NRG3: variants seen among roughly 807,000 people sequenced by gnomAD.
NRG3 encodes pro-neuregulin-3, membrane-bound isoform.
A neutral mutation model predicts 66.9 loss-of-function variants in NRG3; 31 were observed. That is an observed-to-expected ratio of 0.46 (90% CI 0.35 to 0.63). NRG3 has a LOEUF of 0.63. Among genes scored for constraint, NRG3 ranks in the 20% least tolerant of loss-of-function variants. The pLI, the probability that NRG3 is intolerant of heterozygous loss-of-function variation, is 0.00. For missense variants in NRG3, 910 were observed against 878.9 expected (o/e 1.04, Z -0.45); for synonymous variants, 393 against 359.4 (o/e 1.09, Z -1.06).
intron 1 of NRG3, among the ~76,000 whole-genome samples, chr10:82,237,594 G>A (rs1458241102): frequency 6.6e-6 from 1 of 151,400 alleles, no homozygotes; most frequent in Non-Finnish European, 1.5e-5. Flanking sequence ...ATATAGTAGT[G>A]CTTAATATAT....
intron 1 of NRG3, among the ~76,000 whole-genome samples, chr10:82,036,502 A>T (rs2062797629): frequency 1.3e-5 from 2 of 152,150 alleles, no homozygotes; most frequent in African/African-American, 4.8e-5. Flanking sequence ...ATTTAAGCTT[A>T]GCCCTTATGA....
chr10:82,728,080 T>C (rs1270610563), intron 2 of NRG3, among the ~76,000 whole-genome samples: 2 of 152,080 alleles, frequency 1.3e-5, no homozygotes, highest in Non-Finnish European at 2.9e-5. Context: ...AGTAACTAAT[T>C]TGGTTTTGAT....
At chr10:82,323,590 T>C (rs2135171756) in intron 1 of NRG3, among the ~76,000 whole-genome samples, 1 of 152,186 alleles carries the variant, frequency 6.6e-6, no homozygotes, top group Admixed American at 6.5e-5. Context: ...GTAGTGTCTT[T>C]GGTTTTGGTG....
Position 82,979,025 on chromosome 10 carries a change from G to C in NRG3, c.1488G>C (p.Pro496=), listed in dbSNP as rs139007511. ...LHRNAFRRTP[P]SPRSRLGGIV... ...GGAATGCCTTCAGAAGGACACCCCC[G>C]TCACCCCGAAGTAGGCTAGGTGGAA... The change falls in exon 8 of 9, where the codon CCG becomes CCC. Residue 496 remains proline (P), a synonymous_variant. Coordinates refer to ENST00000372141, the MANE Select transcript of NRG3 (RefSeq NM_001010848.4). 1 of 1,613,862 alleles carries C rather than the reference G, an allele frequency of 6.2e-7. No individual in the cohort carries two copies. Among genetic ancestry groups the C allele is most frequent in the Non-Finnish European group, 8.5e-7 (1 of 1,179,946 alleles).
chr10:82,392,112 T>A (rs1273281495), intron 2 of NRG3, among the ~76,000 whole-genome samples: 1 of 150,916 alleles, frequency 6.6e-6, no homozygotes, highest in Non-Finnish European at 1.5e-5. Flanking sequence ...AATGAAAATA[T>A]CCCATCTACT....
chr10:82,173,013 A>T (rs778059147), intron 1 of NRG3, among the ~76,000 whole-genome samples: 12 of 152,108 alleles, frequency 7.9e-5, no homozygotes, highest in Non-Finnish European at 1.2e-4. Context: ...GAAAATCCAT[A>T]AGCTAGGGTG....
At chr10:82,919,686 G>A (rs931304027) in intron 4 of NRG3, among the ~76,000 whole-genome samples, 2 of 152,110 alleles carry the variant, frequency 1.3e-5, no homozygotes, top group East Asian at 3.9e-4. Context: ...GCATTTCTTG[G>A]CTAACACAAA....
At chr10:82,560,709 G>A (rs1348035049) in intron 2 of NRG3, among the ~76,000 whole-genome samples, 1 of 151,116 alleles carries the variant, frequency 6.6e-6, no homozygotes, top group African/African-American at 2.4e-5. Flanking sequence ...TAATAGAAAT[G>A]GCTTTAGTAT....
chr10:82,166,647 CAT>C (rs1181133510), intron 1 of NRG3: 5 of 395,596 alleles, frequency 1.3e-5, no homozygotes, highest in Non-Finnish European at 2.2e-5. Flanking sequence ...TATATACACA[CAT>C]ATATATGTAT....
chr10:82,025,651 A>AT (rs2062266493), intron 1 of NRG3, among the ~76,000 whole-genome samples: 2 of 152,072 alleles, frequency 1.3e-5, no homozygotes, highest in African/African-American at 4.8e-5. Flanking sequence ...TAAAATTAAG[A>AT]TTTTAAGTTT....
At chr10:82,919,352 G>A (rs1404998924) in intron 4 of NRG3, among the ~76,000 whole-genome samples, 5 of 151,950 alleles carry the variant, frequency 3.3e-5, no homozygotes, top group Non-Finnish European at 5.9e-5. Flanking sequence ...CTTCTAGTCT[G>A]GCCTGCTAAC....
intron 1 of NRG3, among the ~76,000 whole-genome samples, chr10:81,893,972 C>T (rs1001233196): frequency 1.3e-5 from 2 of 152,156 alleles, no homozygotes; most frequent in South Asian, 2.1e-4. Context: ...CCCCAGGTAA[C>T]GTGTGAAGCT....
At chr10:82,883,078 C>T (rs973835051) in intron 4 of NRG3, among the ~76,000 whole-genome samples, 1 of 152,140 alleles carries the variant, frequency 6.6e-6, no homozygotes, top group Non-Finnish European at 1.5e-5. Flanking sequence ...GTTTATGATG[C>T]TCTCAATGTG....
At chr10:82,250,217 G>T (rs2077419206) in intron 1 of NRG3, among the ~76,000 whole-genome samples, 2 of 152,132 alleles carry the variant, frequency 1.3e-5, no homozygotes, top group South Asian at 4.1e-4. Context: ...CACAAAAATT[G>T]AGGATCAATA....
At chr10:82,457,515 A>T (rs565563766) in intron 2 of NRG3, among the ~76,000 whole-genome samples, 1 of 152,094 alleles carries the variant, frequency 6.6e-6, no homozygotes, top group Admixed American at 6.5e-5. Context: ...CAGGCCATGG[A>T]CCAGCAGCAG....
chr10:82,631,966 G>GT (rs1352318873), intron 2 of NRG3, among the ~76,000 whole-genome samples: 1 of 151,934 alleles, frequency 6.6e-6, no homozygotes, highest in Non-Finnish European at 1.5e-5. Flanking sequence ...GCTGAGTGTG[G>GT]TGCCAGGTGC....
chr10:82,211,920 A>C (rs139628548), intron 1 of NRG3, among the ~76,000 whole-genome samples: 113 of 152,144 alleles, frequency 7.4e-4, no homozygotes, highest in Non-Finnish European at 1.2e-3. Context: ...ACCTAAATAC[A>C]GCCTCTGAAA....
At chr10:82,092,094 C>T (rs2066059941) in intron 1 of NRG3, among the ~76,000 whole-genome samples, 1 of 152,098 alleles carries the variant, frequency 6.6e-6, no homozygotes, top group African/African-American at 2.4e-5. Flanking sequence ...GTTACTAATG[C>T]TATAAGTGCA....
At chr10:82,732,248 G>A (rs1044777958) in intron 2 of NRG3, among the ~76,000 whole-genome samples, 38 of 152,282 alleles carry the variant, frequency 2.5e-4, no homozygotes, top group African/African-American at 8.9e-4. Context: ...CAGGAAGTAT[G>A]CCTTTAAATC....
Sources: allele counts gnomAD v4.1 joint callset (sites outside exome capture counted in the v4.1 genomes callset), GRCh38; gene constraint gnomAD v4.1.1; transcripts MANE v1.5; gene names NCBI Gene and HGNC (gene_info 2026-07-23, HGNC 2026-07-21).